HPSE2: variants seen among roughly 807,000 people sequenced by gnomAD.
HPSE2 encodes heparanase 2 (inactive), also known as inactive heparanase-2.
HPSE2 carries 38 observed loss-of-function variants against 60.5 expected under a neutral mutation model. That is an observed-to-expected ratio of 0.63 (90% CI 0.48 to 0.82). HPSE2 has a LOEUF of 0.82. HPSE2 is among the 40% of genes least tolerant of loss of function. The pLI is 0.00. For synonymous variants in HPSE2, 295 were observed against 293.2 expected (o/e 1.01, Z -0.06); for missense variants, 713 against 740.4 (o/e 0.96, Z 0.43).
intron 9 of HPSE2, among the ~76,000 whole-genome samples, chr10:98,573,003 C>A (rs1035988899): frequency 1.3e-5 from 2 of 152,162 alleles, no homozygotes; most frequent in Admixed American, 1.3e-4. Context: ...GCACAATATT[C>A]AAGACTAAAA....
chr10:99,250,086 T>C, the HPSE2 span, among the ~76,000 whole-genome samples: 1 of 148,036 alleles, frequency 6.8e-6, no homozygotes, highest in Non-Finnish European at 1.5e-5. Context: ...GAGGTCACAG[T>C]GAGCTGAGAT....
intron 2 of HPSE2, among the ~76,000 whole-genome samples, chr10:99,177,466 G>A (rs1252268642): frequency 6.6e-6 from 1 of 152,058 alleles, no homozygotes; most frequent in African/African-American, 2.4e-5. Context: ...AGCAGGGGTT[G>A]CAATCCTAGT....
At chr10:98,617,433 C>A (rs543343291) in intron 8 of HPSE2, among the ~76,000 whole-genome samples, 1 of 152,268 alleles carries the variant, frequency 6.6e-6, no homozygotes, top group African/African-American at 2.4e-5. Context: ...AATATCAATT[C>A]ATAAACCTGA....
chr10:99,044,939 G>T (rs561764007), intron 3 of HPSE2, among the ~76,000 whole-genome samples: 1 of 152,208 alleles, frequency 6.6e-6, no homozygotes, highest in East Asian at 1.9e-4. Context: ...ACACCTCACT[G>T]ATAGCATTAG....
At chr10:98,717,237 A>C (rs891221056) in intron 5 of HPSE2, among the ~76,000 whole-genome samples, 3 of 152,114 alleles carry the variant, frequency 2.0e-5, no homozygotes, top group Non-Finnish European at 2.9e-5. Flanking sequence ...GGCTTAGGGA[A>C]TATTGTGGCT....
At chr10:99,094,296 T>C (rs1228939859) in intron 3 of HPSE2, among the ~76,000 whole-genome samples, 3 of 151,754 alleles carry the variant, frequency 2.0e-5, no homozygotes, top group Admixed American at 2.0e-4. Flanking sequence ...TGAAACGTTC[T>C]CTATGAATTG....
chr10:98,794,893 G>T (rs1176555518), intron 3 of HPSE2, among the ~76,000 whole-genome samples: 1 of 149,758 alleles, frequency 6.7e-6, no homozygotes, highest in Non-Finnish European at 1.5e-5. Flanking sequence ...ATATAATTAG[G>T]CAAATGCCTG....
intron 3 of HPSE2, among the ~76,000 whole-genome samples, chr10:99,117,417 GAAAAAAAAAAAAAAAAAAAAA>G (rs1157232317): frequency 4.0e-5 from 1 of 24,802 alleles, no homozygotes; most frequent in African/African-American, 2.6e-4. Flanking sequence ...TTGTTTTTTT[GAAAAAAAAAAAAAAAAAAAAA>G]AAAAAAAAAA....
At chr10:98,671,139 G>T (rs1947496415) in intron 6 of HPSE2, among the ~76,000 whole-genome samples, 4 of 152,120 alleles carry the variant, frequency 2.6e-5, no homozygotes, top group Admixed American at 2.6e-4. Flanking sequence ...TATTTTGAAG[G>T]CAGAACTAAC....
chr10:98,795,301 C>A (rs1288980733), intron 3 of HPSE2, among the ~76,000 whole-genome samples: 1 of 152,210 alleles, frequency 6.6e-6, no homozygotes, highest in Non-Finnish European at 1.5e-5. Context: ...TCTTGAGTCA[C>A]CAACACCAAC....
At chr10:99,047,765 C>T (rs1957889410) in intron 3 of HPSE2, 1 of 840,730 alleles carries the variant, frequency 1.2e-6, no homozygotes, top group African/African-American at 1.6e-5. Flanking sequence ...AAGGATGCTT[C>T]AAAAGGCAAG....
At chr10:98,570,826 G>T (rs76921670) in intron 9 of HPSE2, among the ~76,000 whole-genome samples, 2 of 151,798 alleles carry the variant, frequency 1.3e-5, no homozygotes, top group Non-Finnish European at 2.9e-5. Context: ...TAAGTTTGGG[G>T]TTGAAATGAT....
chr10:98,576,168 T>C (rs902319908), intron 9 of HPSE2, among the ~76,000 whole-genome samples: 8 of 152,046 alleles, frequency 5.3e-5, no homozygotes, highest in African/African-American at 1.9e-4. Context: ...ATATCACGGG[T>C]AAAACCTAGA....
At chr10:98,481,550 A>C (rs927769112) in intron 11 of HPSE2, among the ~76,000 whole-genome samples, 5 of 152,194 alleles carry the variant, frequency 3.3e-5, no homozygotes, top group African/African-American at 1.2e-4. Flanking sequence ...GACGCAATGT[A>C]CATGTAGCCA....
intron 9 of HPSE2, among the ~76,000 whole-genome samples, chr10:98,501,831 T>C (rs908098912): frequency 6.6e-5 from 10 of 152,036 alleles, no homozygotes; most frequent in African/African-American, 1.9e-4. Context: ...CTAGAACTAA[T>C]AAAATAATTC....
intron 2 of HPSE2, among the ~76,000 whole-genome samples, chr10:99,190,049 G>A (rs1848166838): frequency 6.6e-6 from 1 of 152,166 alleles, no homozygotes; most frequent in South Asian, 2.1e-4. Context: ...ACATCTTTCA[G>A]TACTGAGTCC....
chr10:99,003,299 G>T (rs959010844), intron 3 of HPSE2, among the ~76,000 whole-genome samples: 5 of 151,954 alleles, frequency 3.3e-5, no homozygotes, highest in Non-Finnish European at 7.4e-5. Flanking sequence ...TATGAATAAT[G>T]CTGCAATGAA....
intron 7 of HPSE2, among the ~76,000 whole-genome samples, chr10:98,637,404 T>C (rs995477558): frequency 1.3e-5 from 2 of 152,152 alleles, no homozygotes; most frequent in Admixed American, 1.3e-4. Context: ...ACAGAAATTA[T>C]TAAAAATAGC....
At chr10:99,072,675 C>G (rs992474767) in intron 3 of HPSE2, among the ~76,000 whole-genome samples, 1 of 152,090 alleles carries the variant, frequency 6.6e-6, no homozygotes, top group Non-Finnish European at 1.5e-5. Context: ...CCTATAATCC[C>G]AGCACTTTGG....
Sources: gnomAD v4.1 joint callset for allele counts (sites outside exome capture counted in the v4.1 genomes callset) on GRCh38, gnomAD v4.1.1 for gene constraint, MANE v1.5 for transcripts, NCBI Gene and HGNC (gene_info 2026-07-23, HGNC 2026-07-21) for gene names.